RBM24: variants seen among roughly 807,000 people sequenced by gnomAD.
RBM24 encodes RNA binding motif protein 24, also known as RNA-binding protein 24.
Under a neutral mutation model 23.6 loss-of-function variants are expected in RBM24, and 5 were observed. The ratio of observed to expected loss-of-function variants is 0.21; its 90% CI spans 0.11 to 0.45. RBM24 has a LOEUF of 0.45. Among genes scored for constraint, RBM24 ranks in the 20% least tolerant of loss-of-function variants. The probability of loss-of-function intolerance (pLI) is 0.99; values close to 1 mark genes in which losing one functional copy is unlikely to be tolerated. For missense variants in RBM24, 252 were observed against 314.6 expected, an observed-to-expected ratio of 0.80 and a Z score of 1.51; for synonymous variants, 151 against 129.5, an observed-to-expected ratio of 1.17 and a Z score of -1.13.
intron 2 of RBM24, 136 bp from the exon 3 acceptor site, chr6:17,284,521 A>T: frequency 5.5e-6 from 3 of 547,600 alleles, no homozygotes; most frequent in Non-Finnish European, 9.6e-6. Context: ...TAAAAAATAT[A>T]CATACATATA....
Position 17,282,780 on chromosome 6 carries a change from A to C in RBM24, c.169-25A>C, listed in dbSNP as rs755423383. On this transcript the variant is annotated intron_variant, in intron 1 of 3. Coordinates refer to ENST00000379052, the MANE Select transcript of RBM24 (RefSeq NM_001143942.2). Reference sequence around the variant, plus strand: ...GGGTTAATTTAGAGGTTATGTATGTATGTCTGTGTGTGTCTGTTGCTAAGG... The same window carrying C: ...GGGTTAATTTAGAGGTTATGTATGTCTGTCTGTGTGTGTCTGTTGCTAAGG... The C allele has an allele frequency of 2.9e-5, 47 of 1,613,478 alleles. No individual in the cohort carries two copies. In the East Asian group the frequency reaches 1.0e-3, roughly 35 times the overall value.
At chr6:17,286,186 TA>T (rs908184385) in intron 3 of RBM24, among the ~76,000 whole-genome samples, 1 of 110,620 alleles carries the variant, frequency 9.0e-6, no homozygotes, top group African/African-American at 3.9e-5. Context: ...CAACTACTAC[TA>T]TTTTTTTTTT....
At chr6:17,284,626 A>G in intron 2 of RBM24, 31 bp from the exon 3 acceptor site, 1 of 1,572,938 alleles carries the variant, frequency 6.4e-7, no homozygotes, top group Non-Finnish European at 8.7e-7. Flanking sequence ...AACCATGCAC[A>G]AATAAAGAAT....
chr6:17,289,189 G>C, intron 3 of RBM24: 2 of 985,406 alleles, frequency 2.0e-6, no homozygotes, highest in Non-Finnish European at 2.4e-6. Context: ...GAGATTCCCA[G>C]ATCACCTTAA....
intron 2 of RBM24, chr6:17,283,129 C>A: frequency 1.9e-6 from 1 of 527,028 alleles, no homozygotes; most frequent in Non-Finnish European, 3.4e-6. Context: ...TACCTGTGTG[C>A]AAAAATGGAT....
chr6:17,282,237 A>T, intron 1 of RBM24: 1 of 1,290,684 alleles, frequency 7.7e-7, no homozygotes, highest in Admixed American at 2.3e-5. Flanking sequence ...CTTTTAAATC[A>T]TGATCCTAGG....
intron 3 of RBM24, 83 bp from the exon 4 acceptor site, chr6:17,291,673 A>C: frequency 6.9e-7 from 1 of 1,447,436 alleles, no homozygotes; most frequent in Non-Finnish European, 9.4e-7. Context: ...ATAACCACTA[A>C]ATTTGAGTTT....
chr6:17,287,948 A>G (rs1481718248), intron 3 of RBM24, among the ~76,000 whole-genome samples: 2 of 152,196 alleles, frequency 1.3e-5, no homozygotes, highest in Non-Finnish European at 2.9e-5. Flanking sequence ...TATAGTGTCC[A>G]CTAAGGAGGG....
intron 1 of RBM24, chr6:17,282,315 C>A: frequency 8.4e-7 from 1 of 1,185,638 alleles, no homozygotes; most frequent in Non-Finnish European, 1.1e-6. Flanking sequence ...GCAAATTCAG[C>A]TGCCGAAGAG....
intron 3 of RBM24, among the ~76,000 whole-genome samples, chr6:17,286,951 A>G (rs760058602): frequency 6.6e-6 from 1 of 152,256 alleles, no homozygotes; most frequent in African/African-American, 2.4e-5. Flanking sequence ...AAGATGTGTC[A>G]TGGAAATTTG....
intron 2 of RBM24, among the ~76,000 whole-genome samples, chr6:17,284,343 G>A (rs1760128258): frequency 6.6e-6 from 1 of 152,170 alleles, no homozygotes; most frequent in South Asian, 2.1e-4. Flanking sequence ...TATTTGAGAT[G>A]TAACTTCACT....
intron 3 of RBM24, chr6:17,289,205 C>G (rs1760282669): frequency 1.0e-6 from 1 of 985,260 alleles, no homozygotes; most frequent in Non-Finnish European, 1.2e-6. Flanking sequence ...CTTAATGGGT[C>G]TCAGACTATT....
intron 1 of RBM24, chr6:17,282,409 A>G (rs1561732721): frequency 1.8e-6 from 1 of 561,450 alleles, no homozygotes; most frequent in East Asian, 6.5e-5. Context: ...GTAAGGCTGG[A>G]CTTTCTTTAA....
chr6:17,288,616 C>CT, intron 3 of RBM24: 1 of 985,318 alleles, frequency 1.0e-6, no homozygotes, highest in South Asian at 4.7e-5. Context: ...GTAGTGAGTG[C>CT]TAGAGCTAGG....
At chr6:17,286,343 G>A (rs1760197373) in intron 3 of RBM24, among the ~76,000 whole-genome samples, 2 of 152,120 alleles carry the variant, frequency 1.3e-5, no homozygotes, top group Admixed American at 6.5e-5. Context: ...ATTTCTGTGG[G>A]TAATTCATTT....
At position 17,293,325 on chromosome 6, in the gene RBM24, A is replaced by G. The variant is rs1760426309; in HGVS notation, c.*1206A>G. ...CATCTCATGGCATAAATTATTTAGT[A>G]AGTCTAGATGTAGCGTATTAAATAT... is the stretch of plus-strand genomic sequence containing the variant. On this transcript the variant is annotated 3_prime_UTR_variant, in exon 4 of 4. Coordinates refer to ENST00000379052, the MANE Select transcript of RBM24 (RefSeq NM_001143942.2). The G allele has an allele frequency of 6.6e-6, 1 of 152,664 alleles. No homozygotes were observed. The allele number at this position is 152,664 out of a possible 1,614,324, so 9.5% of individuals were successfully genotyped here.
Position 17,291,848 on chromosome 6 carries a change from C to G in RBM24, c.440C>G (p.Thr147Ser), listed in dbSNP as rs1487317149. Residue 147 changes from threonine to serine, a missense_variant, in exon 4 of 4, where the codon ACC (threonine) becomes AGC (serine). Thr to Ser is a moderately conservative substitution (Grantham distance 58, BLOSUM62 1). Transcript: ENST00000379052. ...CCGACAGCAGCTGCCGCCTCCACCACCCCTTACATTGATTACACTGGAGCT... is the reference window on the plus strand; with the variant it reads ...CCGACAGCAGCTGCCGCCTCCACCAGCCCTTACATTGATTACACTGGAGCT... ...VQPTAAAAST[T>S]PYIDYTGAAY... 6.2e-6 allele frequency: 10 copies of G among 1,614,020 alleles called. No individual in the cohort carries two copies. Among genetic ancestry groups the G allele is most frequent in the African/African-American group, 1.3e-5 (1 of 74,920 alleles).
intron 3 of RBM24, chr6:17,289,450 A>G: frequency 1.0e-6 from 1 of 985,146 alleles, no homozygotes. Flanking sequence ...TTATATTCTC[A>G]TTGTTTGACA....
chr6:17,282,278 A>C (rs866837586), intron 1 of RBM24: 2 of 1,279,268 alleles, frequency 1.6e-6, no homozygotes, highest in Middle Eastern at 2.1e-4. Flanking sequence ...AGAGCATATT[A>C]AGCTTCCTTC....
Sources: allele counts gnomAD v4.1 joint callset (sites outside exome capture counted in the v4.1 genomes callset), GRCh38; gene constraint gnomAD v4.1.1; transcripts MANE v1.5; gene names NCBI Gene and HGNC (gene_info 2026-07-23, HGNC 2026-07-21).